CAMTA1: variants seen among roughly 807,000 people sequenced by gnomAD.
CAMTA1 encodes calmodulin-binding transcription activator 1.
In CAMTA1, 27 loss-of-function variants were observed where a neutral mutation model predicts 170.9. The observed-to-expected ratio is 0.16, with a 90% confidence interval of 0.12 to 0.22. The LOEUF is 0.22. Ranked by LOEUF, CAMTA1 falls within the 10% of genes least tolerant of loss-of-function variation. The pLI is 1.00. For synonymous variants in CAMTA1, 833 were observed against 891.5 expected (o/e 0.93, Z 1.17); for missense variants, 1,619 against 2,217.2 (o/e 0.73, Z 5.42).
chr1:7,285,781 A>G (rs1672261530), intron 5 of CAMTA1, among the ~76,000 whole-genome samples: 1 of 152,164 alleles, frequency 6.6e-6, no homozygotes, highest in Non-Finnish European at 1.5e-5. Context: ...CCCTGAGCCC[A>G]TAACGACACC....
intron 3 of CAMTA1, among the ~76,000 whole-genome samples, chr1:6,931,125 C>A (rs1684341402): frequency 6.6e-6 from 1 of 152,222 alleles, no homozygotes; most frequent in African/African-American, 2.4e-5. Flanking sequence ...CAGTGGTTAA[C>A]CTGCAGCTAG....
At chr1:7,354,150 C>CTT (rs565138164) in intron 5 of CAMTA1, among the ~76,000 whole-genome samples, 2,201 of 140,438 alleles carry the variant, frequency 0.016, 65 homozygotes, top group African/African-American at 0.055. Flanking sequence ...TTCTTTTTCT[C>CTT]TTTTTTTTTT....
intron 4 of CAMTA1, among the ~76,000 whole-genome samples, chr1:7,114,036 A>G (rs986475959): frequency 6.6e-6 from 1 of 152,124 alleles, no homozygotes; most frequent in African/African-American, 2.4e-5. Flanking sequence ...TGCTGCACGC[A>G]GGGCCCACCC....
intron 5 of CAMTA1, among the ~76,000 whole-genome samples, chr1:7,355,677 G>C (rs2085056019): frequency 6.6e-6 from 1 of 152,220 alleles, no homozygotes; most frequent in Non-Finnish European, 1.5e-5. Context: ...CCTGTCTTCA[G>C]ATGCTCCAGT....
rs577805929 is a variant in CAMTA1 at position 7,638,991 on chromosome 1, A to T, written c.511-1409A>T. On this transcript the variant is annotated intron_variant, in intron 6 of 22. Transcript: ENST00000303635. ...GATTTGAGACAAACTGGGCCTTTTT[A>T]TTTTTGAGACAGAGTCTCGCTCTGT... Among the ~76,000 whole-genome samples, 1,162 of 152,150 alleles carry T rather than the reference A, an allele frequency of 7.6e-3. 16 individuals carry two copies. The highest frequency in any genetic ancestry group is 0.027 in the African/African-American group (1,118 of 41,512).
At chr1:7,465,057 C>A (rs2093178669) in intron 5 of CAMTA1, among the ~76,000 whole-genome samples, 1 of 152,182 alleles carries the variant, frequency 6.6e-6, no homozygotes, top group African/African-American at 2.4e-5. Context: ...AAATGTAGAG[C>A]CATTTTTCAA....
intron 1 of CAMTA1, among the ~76,000 whole-genome samples, chr1:6,788,855 A>G (rs1640192970): frequency 2.0e-5 from 3 of 152,144 alleles, no homozygotes; most frequent in Admixed American, 2.0e-4. Flanking sequence ...TTTCTGTGTC[A>G]CTGGTCGCCA....
chr1:7,708,542 T>C (rs757769260), intron 11 of CAMTA1, among the ~76,000 whole-genome samples: 11 of 152,218 alleles, frequency 7.2e-5, no homozygotes, highest in Admixed American at 3.3e-4. Flanking sequence ...AGTATGATCT[T>C]GTGTAATGCT....
intron 5 of CAMTA1, among the ~76,000 whole-genome samples, chr1:7,307,108 T>C (rs1675710055): frequency 6.6e-6 from 1 of 151,932 alleles, no homozygotes; most frequent in African/African-American, 2.4e-5. Context: ...TTTATTTAAG[T>C]CTTTAAAAAA....
chr1:7,284,303 A>G (rs1383781790), intron 5 of CAMTA1, among the ~76,000 whole-genome samples: 1 of 151,568 alleles, frequency 6.6e-6, no homozygotes, highest in African/African-American at 2.4e-5. Context: ...TCCCGGGTTC[A>G]AGCAATTCTC....
chr1:7,167,139 A>G (rs1220085653), intron 4 of CAMTA1, among the ~76,000 whole-genome samples: 1 of 151,984 alleles, frequency 6.6e-6, no homozygotes, highest in Non-Finnish European at 1.5e-5. Flanking sequence ...TTTATTTTTT[A>G]TGTTAGTGCT....
At chr1:7,663,128 G>A (rs114813454) in intron 8 of CAMTA1, among the ~76,000 whole-genome samples, 276 of 152,352 alleles carry the variant, frequency 1.8e-3, no homozygotes, top group African/African-American at 6.4e-3. Context: ...GATCTTTGGA[G>A]GAGGGTCAAA....
chr1:7,582,805 G>C (rs977041478), intron 6 of CAMTA1, among the ~76,000 whole-genome samples: 3 of 151,866 alleles, frequency 2.0e-5, no homozygotes, highest in African/African-American at 7.3e-5. Context: ...TCACACAGCT[G>C]TCCAGGCAGC....
chr1:6,981,264 C>A (rs1301989654), intron 3 of CAMTA1, among the ~76,000 whole-genome samples: 6 of 151,952 alleles, frequency 3.9e-5, no homozygotes, highest in Non-Finnish European at 8.8e-5. Flanking sequence ...AAGGATGTGG[C>A]CATTTCTAAT....
At position 7,431,258 on chromosome 1, in the gene CAMTA1, A is replaced by G. The variant is rs143176021; in HGVS notation, c.439-36572A>G. On this transcript the variant is annotated intron_variant, in intron 5 of 22. Coordinates refer to ENST00000303635, the MANE Select transcript of CAMTA1 (RefSeq NM_015215.4). Reference sequence around the variant, plus strand: ...AGAACTCAGAGATGTCTCCTTTGAGATCGATCAGCAGCTGGGTCCTCAAGG... The same window carrying G: ...AGAACTCAGAGATGTCTCCTTTGAGGTCGATCAGCAGCTGGGTCCTCAAGG... Among the ~76,000 whole-genome samples the G allele has an allele frequency of 3.2e-4, 49 of 152,272 alleles. 1 individual carries two copies. In the East Asian group the frequency reaches 8.9e-3, roughly 28 times the overall value.
At chr1:7,741,917 G>A (rs934034161) in intron 16 of CAMTA1, among the ~76,000 whole-genome samples, 2 of 149,044 alleles carry the variant, frequency 1.3e-5, no homozygotes, top group Admixed American at 1.4e-4. Context: ...GATTACAGGT[G>A]TGAGCCACCA....
intron 5 of CAMTA1, among the ~76,000 whole-genome samples, chr1:7,310,861 G>A (rs1676622769): frequency 6.6e-6 from 1 of 151,464 alleles, no homozygotes; most frequent in South Asian, 2.1e-4. Context: ...TTCCCAAGTA[G>A]CTGGGACTAC....
At chr1:7,759,445 C>T (rs2096958576) in intron 22 of CAMTA1, among the ~76,000 whole-genome samples, 1 of 152,180 alleles carries the variant, frequency 6.6e-6, no homozygotes, top group Non-Finnish European at 1.5e-5. Flanking sequence ...AGGCCTACCT[C>T]TTAATTTATC....
chr1:7,422,006 C>A (rs1339160310), intron 5 of CAMTA1, among the ~76,000 whole-genome samples: 1 of 152,050 alleles, frequency 6.6e-6, no homozygotes, highest in Non-Finnish European at 1.5e-5. Context: ...TCCAGCATTC[C>A]TCATCACCTC....
Sources: gnomAD v4.1 joint callset for allele counts (sites outside exome capture counted in the v4.1 genomes callset) on GRCh38, gnomAD v4.1.1 for gene constraint, MANE v1.5 for transcripts, NCBI Gene and HGNC (gene_info 2026-07-23, HGNC 2026-07-21) for gene names.